FBXL13: variants seen among roughly 807,000 people sequenced by gnomAD.
FBXL13 encodes the protein F-box and leucine-rich repeat protein 13.
A neutral mutation model predicts 83.6 loss-of-function variants in FBXL13; 67 were observed. The observed-to-expected ratio is 0.80, with a 90% CI of 0.66 to 0.98. The LOEUF is 0.98. FBXL13 is among the 50% of genes least tolerant of loss of function. The pLI, the probability that FBXL13 is intolerant of heterozygous loss-of-function variation, is 0.00. For synonymous variants in FBXL13, 272 were observed against 299.5 expected, an observed-to-expected ratio of 0.91 and a Z score of 0.95; for missense variants, 822 against 866.5, an observed-to-expected ratio of 0.95 and a Z score of 0.64.
chr7:102,842,191 A>G (rs939478475), intron 17 of FBXL13, among the ~76,000 whole-genome samples: 1 of 152,216 alleles, frequency 6.6e-6, no homozygotes, highest in African/African-American at 2.4e-5. Flanking sequence ...CTGCTGCAAC[A>G]AAGGCCAATG....
intron 19 of FBXL13, among the ~76,000 whole-genome samples, chr7:102,814,018 TAC>T (rs940769032): frequency 6.6e-6 from 1 of 152,132 alleles, no homozygotes; most frequent in African/African-American, 2.4e-5. Context: ...TTGTCTATAA[TAC>T]ACATTTTTAT....
intron 14 of FBXL13, among the ~76,000 whole-genome samples, chr7:102,880,111 T>C (rs958458627): frequency 6.6e-6 from 1 of 152,210 alleles, no homozygotes; most frequent in Non-Finnish European, 1.5e-5. Flanking sequence ...TTGTTGCTGA[T>C]TCCCATTGCT....
chr7:102,971,976 A>G (rs1251396656), intron 6 of FBXL13, among the ~76,000 whole-genome samples: 1 of 151,962 alleles, frequency 6.6e-6, no homozygotes, highest in African/African-American at 2.4e-5. Context: ...CAGTGAGCCA[A>G]GATTGTGCCA....
intron 10 of FBXL13, 86 bp downstream of exon 11, chr7:102,926,188 G>A (rs1275837827): frequency 9.3e-7 from 1 of 1,075,122 alleles, no homozygotes; most frequent in Non-Finnish European, 1.4e-6. Context: ...GATAAAGGGA[G>A]CACTGCCCTT....
At chr7:102,991,676 T>C (rs1406565702) in intron 6 of FBXL13, among the ~76,000 whole-genome samples, 1 of 152,190 alleles carries the variant, frequency 6.6e-6, no homozygotes, top group Non-Finnish European at 1.5e-5. Context: ...CTTTGGAACA[T>C]AAAACACGGA....
chr7:102,962,178 C>T (rs1164337369), intron 8 of FBXL13, among the ~76,000 whole-genome samples: 4 of 151,158 alleles, frequency 2.6e-5, no homozygotes, highest in African/African-American at 7.3e-5. Flanking sequence ...GGGCGAAGGA[C>T]ATGAACAGAC....
intron 16 of FBXL13, among the ~76,000 whole-genome samples, chr7:102,860,284 G>A (rs1162448603): frequency 1.3e-5 from 2 of 152,168 alleles, no homozygotes; most frequent in Admixed American, 1.3e-4. Flanking sequence ...GAGCTATAGG[G>A]ACCACACAGC....
intron 2 of FBXL13, chr7:103,046,717 T>C (rs1193688422): frequency 1.3e-5 from 2 of 152,192 alleles, no homozygotes. Context: ...AGTCTCACAA[T>C]AGTAGATGTC....
At chr7:103,002,323 CT>C (rs200629792) in intron 6 of FBXL13, among the ~76,000 whole-genome samples, 12 of 151,960 alleles carry the variant, frequency 7.9e-5, no homozygotes, top group South Asian at 2.1e-4. Context: ...CAATCTACCA[CT>C]TTTTTTTGTT....
intron 8 of FBXL13, chr7:102,944,388 C>T: frequency 6.2e-7 from 1 of 1,614,046 alleles, no homozygotes; most frequent in South Asian, 1.1e-5. Flanking sequence ...AGCACCACTA[C>T]AATGTCCATT....
chr7:102,886,165 T>C (rs1020583252), intron 11 of FBXL13, among the ~76,000 whole-genome samples: 1 of 152,214 alleles, frequency 6.6e-6, no homozygotes, highest in Non-Finnish European at 1.5e-5. Context: ...TAATTTGTTA[T>C]TTAGACTGCA....
At chr7:103,066,963 G>T (rs1029692685) in intron 1 of FBXL13, among the ~76,000 whole-genome samples, 3 of 151,694 alleles carry the variant, frequency 2.0e-5, no homozygotes, top group African/African-American at 4.8e-5. Flanking sequence ...AGCTAATTTT[G>T]TATTTTTAGT....
intron 6 of FBXL13, among the ~76,000 whole-genome samples, chr7:102,993,017 G>T (rs1829742563): frequency 6.6e-6 from 1 of 152,182 alleles, no homozygotes; most frequent in Non-Finnish European, 1.5e-5. Context: ...ACTTCTAGAT[G>T]TTTTGTTTCA....
chr7:103,059,810 T>C (rs939135989), intron 1 of FBXL13, among the ~76,000 whole-genome samples: 5 of 151,886 alleles, frequency 3.3e-5, no homozygotes, highest in Non-Finnish European at 7.4e-5. Flanking sequence ...AAGAGCAAGA[T>C]AATGCAAAGG....
intron 19 of FBXL13, among the ~76,000 whole-genome samples, chr7:102,814,637 C>T (rs973618475): frequency 6.6e-6 from 1 of 152,228 alleles, no homozygotes; most frequent in Non-Finnish European, 1.5e-5. Flanking sequence ...AAAACTTCTA[C>T]AAACTTAAAG....
intron 6 of FBXL13, among the ~76,000 whole-genome samples, chr7:103,016,555 T>A (rs2129487110): frequency 6.6e-6 from 1 of 150,808 alleles, no homozygotes; most frequent in South Asian, 2.1e-4. Flanking sequence ...GCATAAGGGG[T>A]CAGGGAATTC....
chr7:102,878,194 C>T, intron 15 of FBXL13, 137 bp downstream of exon 16: 1 of 604,768 alleles, frequency 1.7e-6, no homozygotes, highest in South Asian at 5.5e-5. Flanking sequence ...CATGGTTTCA[C>T]TGAACATTTA....
intron 16 of FBXL13, among the ~76,000 whole-genome samples, chr7:102,875,831 A>T (rs1189405137): frequency 1.3e-5 from 2 of 152,152 alleles, no homozygotes; most frequent in African/African-American, 4.8e-5. Context: ...GGCCGACTTC[A>T]TTCAGGGAAG....
intron 6 of FBXL13, among the ~76,000 whole-genome samples, chr7:102,970,247 T>A (rs1439736652): frequency 6.6e-6 from 1 of 152,066 alleles, no homozygotes; most frequent in South Asian, 2.1e-4. Flanking sequence ...CAAGACTCTG[T>A]CTCAAAAAAT....
Sources: allele counts gnomAD v4.1 joint callset (sites outside exome capture counted in the v4.1 genomes callset), GRCh38; gene constraint gnomAD v4.1.1; transcripts MANE v1.5; gene names NCBI Gene and HGNC (gene_info 2026-07-23, HGNC 2026-07-21).